The following SPMIP4 variants were observed in gnomAD, a reference collection of about 807,000 sequenced individuals.
The protein encoded by SPMIP4 is sperm microtubule inner protein 4.
the SPMIP4 span, chr7:25,179,251 G>T: frequency 6.2e-7 from 1 of 1,613,728 alleles, no homozygotes; most frequent in Admixed American, 1.7e-5. Flanking sequence ...GTGTTGGACA[G>T]TATGTCAGCT....
At chr7:25,173,758 G>A in the SPMIP4 span, among the ~76,000 whole-genome samples, 1 of 152,158 alleles carries the variant, frequency 6.6e-6, no homozygotes. This position sits in a 1 kb window ranked among gnomAD's most constrained non-coding sequence, Gnocchi z 4.4. Context: ...ACCTAAATGA[G>A]TCAATTTCTC....
At chr7:25,175,788 G>C in the SPMIP4 span, among the ~76,000 whole-genome samples, 1 of 152,140 alleles carries the variant, frequency 6.6e-6, no homozygotes, top group African/African-American at 2.4e-5. Flanking sequence ...CCCTGCACTT[G>C]GTCTGAAGAA....
At chr7:25,132,364 A>C in the SPMIP4 span, among the ~76,000 whole-genome samples, 1 of 152,206 alleles carries the variant, frequency 6.6e-6, no homozygotes. This position sits in a 1 kb window ranked among gnomAD's most constrained non-coding sequence, Gnocchi z 5.0. Flanking sequence ...GTCTCTCAGT[A>C]TAACTATTGT....
At chr7:25,179,241 G>A in the SPMIP4 span, 2 of 1,613,816 alleles carry the variant, frequency 1.2e-6, no homozygotes, top group Non-Finnish European at 1.7e-6. Context: ...AGAGTAAAAG[G>A]TGTTGGACAG....
At chr7:25,149,960 C>A in the SPMIP4 span, among the ~76,000 whole-genome samples, 1 of 152,142 alleles carries the variant, frequency 6.6e-6, no homozygotes, top group Non-Finnish European at 1.5e-5. Context: ...GTTCTCTTTG[C>A]TACATAACAG....
the SPMIP4 span, among the ~76,000 whole-genome samples, chr7:25,144,525 C>G: frequency 6.6e-6 from 1 of 152,242 alleles, no homozygotes; most frequent in Non-Finnish European, 1.5e-5. Flanking sequence ...GGCAGCACTG[C>G]CAACCCTTGG....
chr7:25,147,587 AAGG>A, the SPMIP4 span, among the ~76,000 whole-genome samples: 1 of 152,158 alleles, frequency 6.6e-6, no homozygotes, highest in Non-Finnish European at 1.5e-5. Context: ...TGCAACGTGA[AAGG>A]AGGAGGGAAA....
At chr7:25,165,112 G>T in the SPMIP4 span, among the ~76,000 whole-genome samples, 2 of 152,116 alleles carry the variant, frequency 1.3e-5, no homozygotes, top group Non-Finnish European at 2.9e-5. Context: ...TTCATATAAT[G>T]ACTTCTTTTC....
the SPMIP4 span, among the ~76,000 whole-genome samples, chr7:25,165,063 G>A: frequency 3.3e-5 from 5 of 152,186 alleles, no homozygotes; most frequent in South Asian, 2.1e-4. Context: ...TTGCAATTGC[G>A]AATTGTGCTG....
chr7:25,175,540 G>A, the SPMIP4 span, among the ~76,000 whole-genome samples: 2 of 152,164 alleles, frequency 1.3e-5, no homozygotes, highest in Non-Finnish European at 2.9e-5. Flanking sequence ...CTGCATCTAG[G>A]TTGTAGGTAT....
chr7:25,148,532 T>C, the SPMIP4 span, among the ~76,000 whole-genome samples: 1 of 141,456 alleles, frequency 7.1e-6, no homozygotes, highest in African/African-American at 2.7e-5. Flanking sequence ...TGGAGTGCAG[T>C]GGTGCCACCT....
At chr7:25,139,773 T>C in the SPMIP4 span, among the ~76,000 whole-genome samples, 5 of 152,232 alleles carry the variant, frequency 3.3e-5, no homozygotes, top group Non-Finnish European at 7.4e-5. Flanking sequence ...TATATATTTC[T>C]GTATGCAAGA....
At chr7:25,139,523 G>C in the SPMIP4 span, among the ~76,000 whole-genome samples, 1 of 152,116 alleles carries the variant, frequency 6.6e-6, no homozygotes, top group Admixed American at 6.5e-5. Flanking sequence ...TAATACAAAT[G>C]AGAGTAGTGA....
At chr7:25,179,766 G>C in the SPMIP4 span, 13 of 152,892 alleles carry the variant, frequency 8.5e-5, no homozygotes, top group African/African-American at 2.9e-4. Flanking sequence ...TCCCTTTGCA[G>C]ATGGTGGAGT....
the SPMIP4 span, chr7:25,134,641 C>T: frequency 1.0e-6 from 1 of 982,510 alleles, no homozygotes; most frequent in South Asian, 4.7e-5. Context: ...AAGCTGGGTA[C>T]AAAGGTATGA....
the SPMIP4 span, among the ~76,000 whole-genome samples, chr7:25,178,738 A>G: frequency 6.6e-6 from 1 of 152,124 alleles, no homozygotes; most frequent in Admixed American, 6.5e-5. Flanking sequence ...TCCCTATTAT[A>G]TGATAAGCAG....
the SPMIP4 span, chr7:25,135,161 C>T: frequency 2.6e-6 from 1 of 387,116 alleles, no homozygotes; most frequent in Non-Finnish European, 3.5e-6. Flanking sequence ...AGAGAACACA[C>T]TCCAGAAATG....
the SPMIP4 span, among the ~76,000 whole-genome samples, chr7:25,178,970 G>A: frequency 1.3e-5 from 2 of 152,142 alleles, no homozygotes; most frequent in Non-Finnish European, 2.9e-5. Context: ...GAACCTGGGA[G>A]GCAGAGGTCC....
At chr7:25,157,460 G>A in the SPMIP4 span, among the ~76,000 whole-genome samples, 2 of 151,940 alleles carry the variant, frequency 1.3e-5, no homozygotes, top group African/African-American at 2.4e-5. Flanking sequence ...CACCTCTGCC[G>A]GGCAGTCAGG....
Sources: allele counts gnomAD v4.1 joint callset (sites outside exome capture counted in the v4.1 genomes callset), GRCh38; gene constraint gnomAD v4.1.1; non-coding constraint Gnocchi (gnomAD v3.1); transcripts MANE v1.5; gene names NCBI Gene and HGNC (gene_info 2026-07-23, HGNC 2026-07-21).